The following SLC22A2 variants were observed in gnomAD, a reference collection of about 807,000 sequenced individuals.
SLC22A2 encodes the protein solute carrier family 22 member 2.
Under a neutral mutation model 60.5 loss-of-function variants are expected in SLC22A2, and 46 were observed. The observed-to-expected ratio is 0.76, with a 90% CI of 0.60 to 0.97. The LOEUF (loss-of-function observed/expected upper bound fraction) is 0.97, where lower values mean the gene tolerates loss of function less well. Among genes scored for constraint, SLC22A2 ranks in the 50% least tolerant of loss-of-function variants. The pLI is 0.00. For missense variants in SLC22A2, 701 were observed against 706.6 expected (o/e 0.99, Z 0.09); for synonymous variants, 303 against 267.0 (o/e 1.13, Z -1.31).
chr6:160,241,664 A>G (rs1783005400), intron 8 of SLC22A2, 78 bp from the exon 9 acceptor site: 1 of 867,626 alleles, frequency 1.2e-6, no homozygotes, highest in Non-Finnish European at 1.9e-6. Context: ...CTGAATAAAC[A>G]CTTCCTCAAA....
intron 10 of SLC22A2, among the ~76,000 whole-genome samples, chr6:160,219,809 T>TA (rs1247913126): frequency 2.0e-5 from 3 of 152,206 alleles, no homozygotes; most frequent in Non-Finnish European, 4.4e-5. Context: ...ACGGTTACAC[T>TA]ATACTGTAGT....
At chr6:160,221,702 G>A (rs1375996276) in intron 10 of SLC22A2, among the ~76,000 whole-genome samples, 1 of 152,198 alleles carries the variant, frequency 6.6e-6, no homozygotes, top group East Asian at 1.9e-4. Context: ...GAAGGCCCAA[G>A]GAGAGGGAGA....
intron 9 of SLC22A2, among the ~76,000 whole-genome samples, chr6:160,233,940 G>A (rs1289156716): frequency 1.3e-5 from 2 of 151,990 alleles, no homozygotes; most frequent in African/African-American, 4.8e-5. Flanking sequence ...AGGCCTCTGA[G>A]CCCAAGCTAA....
At chr6:160,234,312 G>T (rs1376258890) in intron 9 of SLC22A2, among the ~76,000 whole-genome samples, 1 of 152,178 alleles carries the variant, frequency 6.6e-6, no homozygotes, top group African/African-American at 2.4e-5. Context: ...TCTTCACACG[G>T]ACACGAGTGA....
At chr6:160,236,387 T>A (rs1050757847) in intron 9 of SLC22A2, among the ~76,000 whole-genome samples, 3 of 152,206 alleles carry the variant, frequency 2.0e-5, no homozygotes, top group Admixed American at 1.3e-4. Context: ...AGGAAACTTT[T>A]CTTTTGAGCT....
chr6:160,253,466 G>A (rs1237123861), intron 2 of SLC22A2, among the ~76,000 whole-genome samples: 2 of 152,100 alleles, frequency 1.3e-5, no homozygotes, highest in African/African-American at 4.8e-5. Context: ...CTTATGGAAA[G>A]CTGCTCCTGC....
At chr6:160,219,874 A>G (rs1036706813) in intron 10 of SLC22A2, among the ~76,000 whole-genome samples, 4 of 152,198 alleles carry the variant, frequency 2.6e-5, no homozygotes, top group Admixed American at 6.5e-5. Context: ...AAAATACTTT[A>G]TTTTTTAAAA....
intron 9 of SLC22A2, among the ~76,000 whole-genome samples, chr6:160,239,796 G>C (rs1782969662): frequency 6.6e-6 from 1 of 152,204 alleles, no homozygotes; most frequent in Non-Finnish European, 1.5e-5. Context: ...CTTGTGCTCT[G>C]TCAACTTTGG....
At chr6:160,246,828 C>T (rs1783102896) in intron 5 of SLC22A2, among the ~76,000 whole-genome samples, 1 of 152,196 alleles carries the variant, frequency 6.6e-6, no homozygotes, top group South Asian at 2.1e-4. Flanking sequence ...AACTGCTTTA[C>T]TGATCTAAGA....
intron 9 of SLC22A2, among the ~76,000 whole-genome samples, chr6:160,228,842 C>G (rs1013485031): frequency 2.0e-5 from 3 of 151,834 alleles, no homozygotes; most frequent in Admixed American, 6.5e-5. Flanking sequence ...CACTGAGCAC[C>G]TTGTGTCCCC....
At chr6:160,239,791 G>A (rs547621943) in intron 9 of SLC22A2, among the ~76,000 whole-genome samples, 1 of 152,308 alleles carries the variant, frequency 6.6e-6, no homozygotes, top group South Asian at 2.1e-4. Context: ...AAGAGCTTGT[G>A]CTCTGTCAAC....
intron 6 of SLC22A2, among the ~76,000 whole-genome samples, 199 bp from the exon 7 acceptor site, chr6:160,243,985 G>A (rs966067449): frequency 3.9e-5 from 6 of 152,194 alleles, no homozygotes; most frequent in Non-Finnish European, 7.3e-5. Flanking sequence ...CAAAAACCAG[G>A]AGAAGGGAAG....
At chr6:160,250,792 A>G in intron 2 of SLC22A2, 90 bp from the exon 3 acceptor site, 1 of 1,342,562 alleles carries the variant, frequency 7.4e-7, no homozygotes, top group Non-Finnish European at 1.0e-6. Context: ...AAATCTAAAC[A>G]AAGTTAGAGG....
At chr6:160,245,370 C>A in intron 6 of SLC22A2, 69 bp downstream of exon 6, 1 of 863,384 alleles carries the variant, frequency 1.2e-6, no homozygotes, top group Admixed American at 2.2e-5. Flanking sequence ...TGTTTTCTTC[C>A]CTTCCTTACT....
chr6:160,242,538 C>T, intron 7 of SLC22A2, 136 bp from the exon 8 acceptor site: 1 of 635,880 alleles, frequency 1.6e-6, no homozygotes, highest in Non-Finnish European at 2.9e-6. Context: ...CTTCTATAGG[C>T]TCATGTTAAT....
At chr6:160,242,564 C>T (rs552956200) in intron 7 of SLC22A2, among the ~76,000 whole-genome samples, 162 bp from the exon 8 acceptor site, 25 of 152,304 alleles carry the variant, frequency 1.6e-4, no homozygotes, top group South Asian at 8.3e-4. Flanking sequence ...CAGATTCTCA[C>T]GTTTGTTCAT....
At chr6:160,246,633 G>T (rs901528074) in intron 5 of SLC22A2, among the ~76,000 whole-genome samples, 1 of 152,106 alleles carries the variant, frequency 6.6e-6, no homozygotes, top group African/African-American at 2.4e-5. Flanking sequence ...TGTAATTCTG[G>T]CTACTAGGGA....
chr6:160,241,459 G>A lies in SLC22A2; in HGVS notation c.1501+15C>T. 6.5e-7 allele frequency: 1 copy of A among 1,542,638 alleles called. No homozygotes were observed. Among genetic ancestry groups the A allele is most frequent in the Non-Finnish European group, 9.0e-7 (1 of 1,115,054 alleles). On this transcript the variant is annotated intron_variant, in intron 9 of 10. Coordinates refer to ENST00000366953, the MANE Select transcript of SLC22A2 (RefSeq NM_003058.4). ...AATAAGTTTTCACTTAAAGACATCT[G>A]TGAAGATTTCTTACCGAAAACCATC...
At chr6:160,249,109 G>A (rs1783141322) in intron 4 of SLC22A2, 107 bp downstream of exon 4, 1 of 763,920 alleles carries the variant, frequency 1.3e-6, no homozygotes, top group Non-Finnish European at 2.1e-6. Flanking sequence ...GGTCTGGAGA[G>A]TGAAAGCAAT....
Sources: allele counts gnomAD v4.1 joint callset (sites outside exome capture counted in the v4.1 genomes callset), GRCh38; gene constraint gnomAD v4.1.1; transcripts MANE v1.5; gene names NCBI Gene and HGNC (gene_info 2026-07-23, HGNC 2026-07-21).